TTC7A: variants seen among roughly 807,000 people sequenced by gnomAD.
TTC7A encodes the protein tetratricopeptide repeat protein 7A.
In TTC7A, 110 loss-of-function variants were observed where a neutral mutation model predicts 103.7. The ratio of observed to expected loss-of-function variants is 1.06; its 90% CI spans 0.91 to 1.24. The LOEUF is 1.24. Ranked by LOEUF, TTC7A falls within the 50% of genes most tolerant of loss-of-function variation. The pLI is 0.00. For missense variants in TTC7A, 1,340 were observed against 1,116.3 expected, an observed-to-expected ratio of 1.20 and a Z score of -2.86; for synonymous variants, 521 against 467.9, an observed-to-expected ratio of 1.11 and a Z score of -1.47.
At chr2:47,006,747 G>T in intron 10 of TTC7A, 23 bp downstream of exon 10, 1 of 1,576,150 alleles carries the variant, frequency 6.3e-7, no homozygotes, top group South Asian at 1.1e-5. Flanking sequence ...GGGCGCTAGG[G>T]GTTGCACACT....
intron 5 of TTC7A, among the ~76,000 whole-genome samples, chr2:46,987,844 T>G (rs113087406): frequency 0.016 from 1,988 of 125,462 alleles, 16 homozygotes; most frequent in Admixed American, 0.026. Flanking sequence ...GTGTGTGTGT[T>G]TGTGTGTGTC....
chr2:46,931,555 A>C (rs1343889967), intron 2 of TTC7A, among the ~76,000 whole-genome samples: 1 of 152,168 alleles, frequency 6.6e-6, no homozygotes, highest in African/African-American at 2.4e-5. Context: ...ATGGAAGCAA[A>C]GGTTGGAGTG....
At chr2:47,029,692 G>C (rs138018468) in intron 15 of TTC7A, among the ~76,000 whole-genome samples, 6 of 152,318 alleles carry the variant, frequency 3.9e-5, no homozygotes, top group African/African-American at 1.2e-4. Context: ...GCTTCTGCCT[G>C]CCCTGGGCTC....
intron 17 of TTC7A, 32 bp from the exon 18 acceptor site, chr2:47,051,714 C>A: frequency 6.3e-7 from 1 of 1,593,582 alleles, no homozygotes; most frequent in Non-Finnish European, 8.6e-7. Flanking sequence ...GACCTCTGAC[C>A]ACTGCTCGGC....
chr2:46,940,095 CCT>C (rs1670206579), upstream of TTC7A, among the ~76,000 whole-genome samples: 1 of 152,056 alleles, frequency 6.6e-6, no homozygotes, highest in African/African-American at 2.4e-5. This position sits in a 1 kb window ranked among gnomAD's most constrained non-coding sequence, Gnocchi z 4.7. Flanking sequence ...AACTAATCAC[CCT>C]GTGTGGCTTC....
chr2:47,038,390 C>T (rs900841764), intron 15 of TTC7A, among the ~76,000 whole-genome samples: 5 of 152,224 alleles, frequency 3.3e-5, no homozygotes, highest in Non-Finnish European at 4.4e-5. Context: ...CTTGGTGCAG[C>T]CCAGGCTGGG....
chr2:47,047,003 G>T (rs989169211), intron 16 of TTC7A: 28 of 410,316 alleles, frequency 6.8e-5, no homozygotes, highest in Non-Finnish European at 1.1e-4. Context: ...CCTGTCTCCT[G>T]CTGGAGACCC....
At chr2:47,067,869 A>C (rs191622111) in intron 19 of TTC7A, 26 of 150,180 alleles carry the variant, frequency 1.7e-4, no homozygotes, top group African/African-American at 6.1e-4. Context: ...CTCGGGGGGG[A>C]GTGGAAACCT....
intron 1 of TTC7A, among the ~76,000 whole-genome samples, chr2:46,944,769 G>A (rs1458860235): frequency 6.6e-6 from 1 of 152,126 alleles, no homozygotes; most frequent in Non-Finnish European, 1.5e-5. Context: ...TTGAACTCCT[G>A]GGCTTAAGCT....
At chr2:47,062,413 C>T (rs1431273359) in intron 19 of TTC7A, among the ~76,000 whole-genome samples, 1 of 152,250 alleles carries the variant, frequency 6.6e-6, no homozygotes. Context: ...TGTCCATGTT[C>T]CTTCCCACAT....
rs759278466 is a variant in TTC7A at position 46,978,872 on chromosome 2, C to T, written c.729C>T (p.Ala243=). The change falls in exon 5 of 20, where the codon GCC becomes GCT. Residue 243 remains alanine, a synonymous_variant. Coordinates refer to ENST00000319190, the MANE Select transcript of TTC7A (RefSeq NM_020458.4). ...DYELTYFLEA[A]LQSAYVKNLK... is the part of the protein sequence containing the mutation. Reference sequence around the variant, plus strand: ...AGCTCACCTACTTCCTGGAAGCTGCCCTCCAGAGCGCCTATGTGAAAAACC... The same window carrying T: ...AGCTCACCTACTTCCTGGAAGCTGCTCTCCAGAGCGCCTATGTGAAAAACC... 1 of 1,614,060 alleles carries T rather than the reference C, an allele frequency of 6.2e-7. No individual in the cohort carries two copies. The highest frequency in any genetic ancestry group is 1.1e-5 in the South Asian group (1 of 91,070).
At chr2:47,062,815 C>T (rs1172621727) in intron 19 of TTC7A, among the ~76,000 whole-genome samples, 2 of 152,176 alleles carry the variant, frequency 1.3e-5, no homozygotes, top group Non-Finnish European at 2.9e-5. Context: ...AGAGTGGCTC[C>T]CTGCAGATGT....
At chr2:47,001,927 G>A (rs1676864600) in intron 8 of TTC7A, among the ~76,000 whole-genome samples, 1 of 151,656 alleles carries the variant, frequency 6.6e-6, no homozygotes, top group Non-Finnish European at 1.5e-5. Flanking sequence ...ACCAAGAGTA[G>A]TCCCTGCCTT....
intron 1 of TTC7A, among the ~76,000 whole-genome samples, chr2:46,946,084 ATG>A (rs1670912026): frequency 6.6e-6 from 1 of 151,948 alleles, no homozygotes; most frequent in Non-Finnish European, 1.5e-5. Flanking sequence ...CCGGGAGGGG[ATG>A]TGAGCTGCAG....
intron 15 of TTC7A, among the ~76,000 whole-genome samples, chr2:47,043,348 T>C (rs1311367333): frequency 6.6e-6 from 1 of 152,074 alleles, no homozygotes; most frequent in Non-Finnish European, 1.5e-5. Flanking sequence ...CCCATGGGGA[T>C]ACAGAAAGCC....
chr2:46,994,078 G>A (rs531187616), intron 6 of TTC7A, among the ~76,000 whole-genome samples: 1 of 152,284 alleles, frequency 6.6e-6, no homozygotes, highest in East Asian at 1.9e-4. Context: ...GGGCTCCAAG[G>A]GGTCAGGAGA....
intron 2 of TTC7A, among the ~76,000 whole-genome samples, chr2:46,955,661 C>G (rs1295387319): frequency 6.6e-6 from 1 of 152,164 alleles, no homozygotes; most frequent in Non-Finnish European, 1.5e-5. Flanking sequence ...AATTTGGCTT[C>G]CCCAGAGCCT....
chr2:47,029,916 G>C (rs533055817), intron 15 of TTC7A, among the ~76,000 whole-genome samples: 7 of 152,342 alleles, frequency 4.6e-5, no homozygotes, highest in African/African-American at 1.7e-4. Flanking sequence ...GTTGCACTTG[G>C]CCTAAGTGGT....
At chr2:47,054,114 C>G in intron 18 of TTC7A, 1 of 985,380 alleles carries the variant, frequency 1.0e-6, no homozygotes, top group Non-Finnish European at 1.2e-6. Context: ...AAGAGAACTC[C>G]GAGAACAGCA....
Sources: gnomAD v4.1 joint callset for allele counts (sites outside exome capture counted in the v4.1 genomes callset) on GRCh38, gnomAD v4.1.1 for gene constraint, Gnocchi (gnomAD v3.1) non-coding constraint, MANE v1.5 for transcripts, NCBI Gene and HGNC (gene_info 2026-07-23, HGNC 2026-07-21) for gene names.